The following SIMC1 variants were observed in gnomAD, a reference collection of about 807,000 sequenced individuals.
SIMC1 encodes the protein SUMO-interacting motif-containing protein 1.
SIMC1 carries 55 observed loss-of-function variants against 82.3 expected under a neutral mutation model. The observed-to-expected ratio is 0.67, with a 90% CI of 0.54 to 0.84. The LOEUF (loss-of-function observed/expected upper bound fraction) is 0.84, where lower values mean the gene tolerates loss of function less well. Among genes scored for constraint, SIMC1 ranks in the 40% least tolerant of loss-of-function variants. The pLI is 0.00. For synonymous variants in SIMC1, 353 were observed against 426.3 expected, an observed-to-expected ratio of 0.83 and a Z score of 2.12; for missense variants, 915 against 1,107.2, an observed-to-expected ratio of 0.83 and a Z score of 2.46.
chr5:176,311,956 C>T (rs1340585447), intron 4 of SIMC1, among the ~76,000 whole-genome samples: 1 of 152,190 alleles, frequency 6.6e-6, no homozygotes, highest in Non-Finnish European at 1.5e-5. Context: ...ACATCCTTAT[C>T]TTCCAAAATG....
intron 1 of SIMC1, among the ~76,000 whole-genome samples, chr5:176,282,262 G>A (rs1275970451): frequency 2.0e-5 from 3 of 152,192 alleles, no homozygotes; most frequent in Non-Finnish European, 2.9e-5. Flanking sequence ...CTCCTGGTGC[G>A]CCCTTTTTTA....
In SIMC1 at chr5:176,303,607, A is replaced by T. The variant is rs964438946; in HGVS notation, c.1734+7287A>T. 9.8e-5 allele frequency among the ~76,000 whole-genome samples: 15 copies of T among 152,370 alleles called. No individual in the cohort carries two copies. The Middle Eastern group carries it at 0.01, about 104-fold the overall frequency. The stretch of plus-strand genomic sequence containing the variant: ...AGTGCTGGGATTACAGGCGTGAGCC[A>T]CCATGCCCGGCCAGTCAAAGCAATC... On this transcript the variant is annotated intron_variant, in intron 4 of 9. Coordinates refer to ENST00000429602, the MANE Select transcript of SIMC1 (RefSeq NM_001308195.2).
At chr5:176,291,054 A>G in intron 2 of SIMC1, 99 bp downstream of exon 2, 1 of 706,600 alleles carries the variant, frequency 1.4e-6, no homozygotes, top group Non-Finnish European at 2.3e-6. Flanking sequence ...CAGGTCAAGC[A>G]TAAATGAAAT....
chr5:176,335,135 T>C (rs1342107734), intron 7 of SIMC1, among the ~76,000 whole-genome samples: 1 of 151,878 alleles, frequency 6.6e-6, no homozygotes, highest in Non-Finnish European at 1.5e-5. Context: ...TCACAGTCCT[T>C]TGTAGTAAGT....
In SIMC1 at chr5:176,314,070, C is replaced by T. The variant is rs912294891; in HGVS notation, c.1889+225C>T. Reference sequence around the variant, plus strand: ...TCATTTGAGGTCAGGAGTTCGAAACCAGCCTGGCCAACATGGCAAAACCAC... The same window carrying T: ...TCATTTGAGGTCAGGAGTTCGAAACTAGCCTGGCCAACATGGCAAAACCAC... On this transcript the variant is annotated intron_variant, in intron 5 of 9. Transcript: ENST00000429602. 1.6e-4 allele frequency among the ~76,000 whole-genome samples: 24 copies of T among 152,150 alleles called. 1 individual carries two copies. Among genetic ancestry groups the T allele is most frequent in the African/African-American group, 5.6e-4 (23 of 41,432 alleles).
intron 7 of SIMC1, 57 bp from the exon 8 acceptor site, chr5:176,336,663 C>T (rs1029698727): frequency 1.0e-5 from 16 of 1,588,652 alleles, no homozygotes; most frequent in African/African-American, 6.7e-5. Flanking sequence ...AATTGTGGCT[C>T]ATGTTCTTTG....
chr5:176,268,815 A>G (rs922467813), intron 1 of SIMC1, among the ~76,000 whole-genome samples: 1 of 152,204 alleles, frequency 6.6e-6, no homozygotes, highest in African/African-American at 2.4e-5. Context: ...ACTATTAACT[A>G]CCATGACCTG....
intron 1 of SIMC1, among the ~76,000 whole-genome samples, chr5:176,266,600 G>T (rs1762220917): frequency 8.3e-6 from 1 of 120,400 alleles, no homozygotes; most frequent in South Asian, 3.0e-4. Context: ...GAAGAACACA[G>T]TTAAACCCAG....
At chr5:176,297,549 TAAAC>T (rs1319755908) in intron 4 of SIMC1, among the ~76,000 whole-genome samples, 1 of 96,482 alleles carries the variant, frequency 1.0e-5, no homozygotes, top group Non-Finnish European at 2.3e-5. Flanking sequence ...CTCTCTGTAA[TAAAC>T]AAAGACAGCT....
intron 9 of SIMC1, among the ~76,000 whole-genome samples, chr5:176,343,559 A>G (rs1288520560): frequency 6.6e-6 from 1 of 152,210 alleles, no homozygotes; most frequent in Non-Finnish European, 1.5e-5. Context: ...ATGCCCATAT[A>G]TATACCGTTT....
chr5:176,337,213 T>C (rs1765940616), intron 9 of SIMC1, 67 bp downstream of exon 9: 1 of 1,254,096 alleles, frequency 8.0e-7, no homozygotes, highest in Non-Finnish European at 1.2e-6. Context: ...TAGTCATAAC[T>C]ACACAGGATA....
In SIMC1 at chr5:176,275,912, A is replaced by C. The variant is rs565774981; in HGVS notation, c.130-13742A>C. The stretch of plus-strand genomic sequence containing the variant: ...AGGATTTTTGCATCAATGTTCATCA[A>C]GGATATTGGTCTAAAATTCTCTTTT... On this transcript the variant is annotated intron_variant, in intron 1 of 9. Coordinates refer to ENST00000429602, the MANE Select transcript of SIMC1 (RefSeq NM_001308195.2). Among the ~76,000 whole-genome samples the C allele has an allele frequency of 2.6e-3, 399 of 151,728 alleles. 13 individuals are homozygous for C. Among genetic ancestry groups the C allele is most frequent in the South Asian group, 0.02 (95 of 4,814 alleles).
chr5:176,335,067 A>C (rs2113405174), intron 7 of SIMC1, among the ~76,000 whole-genome samples: 1 of 151,894 alleles, frequency 6.6e-6, no homozygotes, highest in South Asian at 2.1e-4. Context: ...ACTTCACTCC[A>C]GCCTGGGCAA....
In SIMC1 at chr5:176,296,301, C is replaced by T. The variant is rs374295063; in HGVS notation, c.1715C>T (p.Thr572Ile). ...KTVEWDWKLL[T>I]YVMEEEGQTL... ...GTGGAGTGGGACTGGAAACTGCTCA[C>T]CTATGTCATGGAGGAAGAGGTAACA... Residue 572 changes from threonine to isoleucine, a missense_variant, in exon 4 of 10, where the codon ACC (threonine) becomes ATC (isoleucine). Physicochemically the swap from Thr to Ile is moderately conservative, Grantham distance 89. Transcript: ENST00000429602. 89 of 1,613,422 alleles carry T rather than the reference C, an allele frequency of 5.5e-5. No homozygotes were observed. In the East Asian group the frequency reaches 1.9e-3, roughly 35 times the overall value.
chr5:176,283,922 C>A (rs1763137320), intron 1 of SIMC1, among the ~76,000 whole-genome samples: 1 of 152,092 alleles, frequency 6.6e-6, no homozygotes, highest in African/African-American at 2.4e-5. Context: ...TAAAAATAGA[C>A]AAAGAAGGCC....
At chr5:176,246,301 C>T (rs1426934882) in intron 1 of SIMC1, among the ~76,000 whole-genome samples, 4 of 152,072 alleles carry the variant, frequency 2.6e-5, no homozygotes, top group Admixed American at 6.6e-5. Flanking sequence ...TGAGCCACCA[C>T]GCCTGGCCAA....
intron 2 of SIMC1, 58 bp from the exon 3 acceptor site, chr5:176,294,972 A>ATTT: frequency 6.7e-7 from 1 of 1,482,228 alleles, no homozygotes; most frequent in African/African-American, 1.4e-5. Context: ...CTCAAAAAAA[A>ATTT]AAAAAAAAAA....
chr5:176,337,173 G>A, intron 9 of SIMC1, 27 bp downstream of exon 9: 1 of 1,574,060 alleles, frequency 6.4e-7, no homozygotes, highest in Non-Finnish European at 8.7e-7. Flanking sequence ...CACAAGTGGA[G>A]TAGTGGAAGG....
chr5:176,296,567 G>C (rs1238464017), intron 4 of SIMC1: 1 of 498,846 alleles, frequency 2.0e-6, no homozygotes, highest in African/African-American at 1.9e-5. Flanking sequence ...TACACAGAAG[G>C]CTGAGGCAGG....
Sources: allele counts gnomAD v4.1 joint callset (sites outside exome capture counted in the v4.1 genomes callset), GRCh38; gene constraint gnomAD v4.1.1; transcripts MANE v1.5; gene names NCBI Gene and HGNC (gene_info 2026-07-23, HGNC 2026-07-21).